AHCYL2: variants seen among roughly 807,000 people sequenced by gnomAD.
AHCYL2 encodes the protein adenosylhomocysteinase like 2, also known as S-adenosylhomocysteine hydrolase-like protein 2.
AHCYL2 carries 28 observed loss-of-function variants against 81.4 expected under a neutral mutation model. That is an observed-to-expected ratio of 0.34 (90% CI 0.25 to 0.47). The LOEUF is 0.47. Among genes scored for constraint, AHCYL2 ranks in the 20% least tolerant of loss-of-function variants. The pLI is 1.00. For synonymous variants in AHCYL2, 272 were observed against 290.2 expected (o/e 0.94, Z 0.64); for missense variants, 551 against 785.1 (o/e 0.70, Z 3.56).
At chr7:129,404,242 A>T (rs1037786363) in intron 7 of AHCYL2, among the ~76,000 whole-genome samples, 2 of 152,200 alleles carry the variant, frequency 1.3e-5, no homozygotes, top group African/African-American at 2.4e-5. Context: ...ACATTCTTAC[A>T]TGGAGAGCAA....
chr7:129,363,203 A>C (rs1793995244), intron 1 of AHCYL2, among the ~76,000 whole-genome samples: 1 of 152,096 alleles, frequency 6.6e-6, no homozygotes, highest in Non-Finnish European at 1.5e-5. Context: ...CCTCACCTAC[A>C]TGTTAAGGGT....
chr7:129,278,446 T>G (rs1221792914), intron 1 of AHCYL2, among the ~76,000 whole-genome samples: 1 of 152,184 alleles, frequency 6.6e-6, no homozygotes, highest in African/African-American at 2.4e-5. Context: ...TATTTATATA[T>G]TCTAGATATA....
intron 1 of AHCYL2, among the ~76,000 whole-genome samples, chr7:129,229,485 C>T (rs1056142750): frequency 6.7e-6 from 1 of 148,658 alleles, no homozygotes; most frequent in African/African-American, 2.5e-5. Flanking sequence ...GTGCCTTGCC[C>T]AAGGTTATAC....
intron 1 of AHCYL2, among the ~76,000 whole-genome samples, chr7:129,273,528 A>C (rs1348139084): frequency 1.3e-5 from 2 of 151,422 alleles, no homozygotes; most frequent in African/African-American, 4.9e-5. Flanking sequence ...AGGTTTCTCC[A>C]TGATGGTCAG....
chr7:129,349,651 CAAAAA>C lies in AHCYL2; in HGVS notation c.364-29970_364-29966del, dbSNP rs34969591. On this transcript the variant is annotated intron_variant, in intron 1 of 16. Coordinates refer to ENST00000325006, the MANE Select transcript of AHCYL2 (RefSeq NM_015328.4). ...TGGGCAACAATGCAAGACTCTGTTT[CAAAAA>C]AAAAAAAAAAAAAAAAGCGTATGCC... Among the ~76,000 whole-genome samples, 597 of 86,076 alleles carry C rather than the reference CAAAAA, an allele frequency of 6.9e-3. 4 individuals carry two copies. Among genetic ancestry groups the C allele is most frequent in the African/African-American group, 0.029 (569 of 19,678 alleles). 56.5% of individuals were successfully genotyped at this position (86,076 alleles called of 152,430 possible).
intron 1 of AHCYL2, among the ~76,000 whole-genome samples, chr7:129,358,235 T>C (rs1259883850): frequency 6.6e-6 from 1 of 150,452 alleles, no homozygotes; most frequent in African/African-American, 2.4e-5. Context: ...CTACTAAACA[T>C]ACAAAAATTA....
chr7:129,406,590 C>A lies in AHCYL2; in HGVS notation c.1295+124C>A. The stretch of plus-strand genomic sequence containing the variant: ...CAGAGATGCTGCCACTAACTCTAAG[C>A]ATCTGTCTTTTAAAAAGGTCAAGGA... On this transcript the variant is annotated intron_variant, in intron 10 of 16. Coordinates refer to ENST00000325006, the MANE Select transcript of AHCYL2 (RefSeq NM_015328.4). The surrounding 1 kb of genome is among the most constrained non-coding windows in gnomAD (Gnocchi z 4.3). The A allele has an allele frequency of 1.1e-6, 1 of 923,016 alleles. No individual in the cohort carries two copies. Among genetic ancestry groups the A allele is most frequent in the Non-Finnish European group, 1.7e-6 (1 of 579,782 alleles). 57.2% of individuals were successfully genotyped at this position (923,016 alleles called of 1,614,324 possible). A position where few individuals can be genotyped will look rare whatever the true frequency, so the allele number is the denominator to read the frequency against.
At chr7:129,384,045 C>T (rs1307814539) in intron 2 of AHCYL2, among the ~76,000 whole-genome samples, 4 of 152,062 alleles carry the variant, frequency 2.6e-5, no homozygotes, top group Non-Finnish European at 4.4e-5. Flanking sequence ...TTAATTATCT[C>T]TGTTGAGCCA....
rs939296804 is a variant in AHCYL2, at chr7:129,348,403, C to G, written c.364-31235C>G. Among the ~76,000 whole-genome samples, 4 of 145,456 alleles carry G rather than the reference C, an allele frequency of 2.7e-5. No homozygotes were observed. In the East Asian group the frequency reaches 6.1e-4, roughly 22 times the overall value. On this transcript the variant is annotated intron_variant, in intron 1 of 16. Coordinates refer to ENST00000325006, the MANE Select transcript of AHCYL2 (RefSeq NM_015328.4). ...GAAAAAGAAACAATAACCCCCCCCC[C>G]ACACACACACATACATGCTTTTATG...
At chr7:129,270,085 T>C (rs1364072775) in intron 1 of AHCYL2, among the ~76,000 whole-genome samples, 1 of 152,214 alleles carries the variant, frequency 6.6e-6, no homozygotes, top group African/African-American at 2.4e-5. Flanking sequence ...AGGTCAAAAG[T>C]TTACTGAAAA....
intron 1 of AHCYL2, among the ~76,000 whole-genome samples, chr7:129,331,632 A>AG (rs1194923092): frequency 1.3e-5 from 2 of 152,044 alleles, no homozygotes; most frequent in Admixed American, 6.6e-5. Flanking sequence ...TCACGAGCTC[A>AG]GGAGTTCAAG....
chr7:129,338,414 C>G (rs1007133717), intron 1 of AHCYL2, among the ~76,000 whole-genome samples: 4 of 152,284 alleles, frequency 2.6e-5, no homozygotes, highest in Admixed American at 2.6e-4. Context: ...CTTGGCCTCC[C>G]AAAGAACTAG....
chr7:129,315,818 C>A (rs1198053679), intron 1 of AHCYL2, among the ~76,000 whole-genome samples: 1 of 152,066 alleles, frequency 6.6e-6, no homozygotes, highest in East Asian at 1.9e-4. Context: ...GGTGGGAATC[C>A]AGTAGAGAGG....
chr7:129,273,485 C>T (rs754228674), intron 1 of AHCYL2, among the ~76,000 whole-genome samples: 6 of 151,846 alleles, frequency 4.0e-5, no homozygotes, highest in East Asian at 3.9e-4. Context: ...TGCATCACCA[C>T]GCCTGGCTAA....
intron 1 of AHCYL2, among the ~76,000 whole-genome samples, chr7:129,372,323 A>G (rs1794449058): frequency 6.6e-6 from 1 of 152,154 alleles, no homozygotes; most frequent in South Asian, 2.1e-4. Context: ...CCTTTGTAGT[A>G]TTACTTTATG....
At chr7:129,239,146 C>G (rs181886044) in intron 1 of AHCYL2, among the ~76,000 whole-genome samples, 1 of 152,092 alleles carries the variant, frequency 6.6e-6, no homozygotes, top group African/African-American at 2.4e-5. Context: ...ATCTGATAAA[C>G]GTGTAAATCA....
chr7:129,331,863 T>TA (rs200561975), intron 1 of AHCYL2, among the ~76,000 whole-genome samples: 10 of 150,790 alleles, frequency 6.6e-5, no homozygotes, highest in African/African-American at 2.4e-4. Flanking sequence ...TTAATTTAAT[T>TA]AAAAAATATA....
intron 1 of AHCYL2, among the ~76,000 whole-genome samples, chr7:129,355,842 A>G (rs1266486295): frequency 1.3e-5 from 2 of 152,188 alleles, no homozygotes. Context: ...TTGCTTTGGA[A>G]CTAATTGGAA....
chr7:129,260,093 A>T (rs1368646633), intron 1 of AHCYL2, among the ~76,000 whole-genome samples: 1 of 151,386 alleles, frequency 6.6e-6, no homozygotes, highest in African/African-American at 2.4e-5. Context: ...AAAAAAAAAA[A>T]GCTGATATAA....
Sources: allele counts gnomAD v4.1 joint callset (sites outside exome capture counted in the v4.1 genomes callset), GRCh38; gene constraint gnomAD v4.1.1; non-coding constraint Gnocchi (gnomAD v3.1); transcripts MANE v1.5; gene names NCBI Gene and HGNC (gene_info 2026-07-23, HGNC 2026-07-21).